Variants in CNTN6 observed in about 807,000 individuals in gnomAD.
CNTN6 encodes contactin 6.
In CNTN6, 137 loss-of-function variants were observed where a neutral mutation model predicts 122.8. That is an observed-to-expected ratio of 1.12 (90% CI 0.97 to 1.29). The LOEUF (loss-of-function observed/expected upper bound fraction) is 1.29. Among genes scored for constraint, CNTN6 ranks in the 50% most tolerant of loss-of-function variants. The pLI is 0.00. For missense variants in CNTN6, 1,634 were observed against 1,223.4 expected, an observed-to-expected ratio of 1.34 and a Z score of -5.01; for synonymous variants, 570 against 426.0, an observed-to-expected ratio of 1.34 and a Z score of -4.16.
intron 20 of CNTN6, among the ~76,000 whole-genome samples, chr3:1,389,925 C>G (rs1282010325): frequency 1.3e-5 from 2 of 150,850 alleles, no homozygotes; most frequent in Non-Finnish European, 3.0e-5. Flanking sequence ...CCTGAGTGAC[C>G]TACAAAGAGA....
intron 22 of CNTN6, 143 bp downstream of exon 22, chr3:1,402,629 AT>A (rs1481196941): frequency 7.9e-6 from 5 of 630,576 alleles, no homozygotes; most frequent in South Asian, 6.0e-5. Flanking sequence ...GTGATGAGCC[AT>A]TTTTTTAAGT....
intron 2 of CNTN6, among the ~76,000 whole-genome samples, chr3:1,188,334 C>T (rs1373370063): frequency 6.6e-6 from 1 of 152,154 alleles, no homozygotes; most frequent in Non-Finnish European, 1.5e-5. Context: ...CCCTGTCCCC[C>T]AAAAGGAGAT....
At position 1,382,982 on chromosome 3, in the gene CNTN6, A is replaced by C. The variant is rs1376744483; in HGVS notation, c.2207A>C (p.Tyr736Ser). 2.9e-5 allele frequency: 46 copies of C among 1,613,968 alleles called. No homozygotes were observed. The highest frequency in any genetic ancestry group is 3.9e-5 in the Non-Finnish European group (46 of 1,179,954). ...CTGCAGAATGGGGAGGGATTTGGAT[A>C]TATCATCATGTTCCGGCCAGTGGGC... Reference protein sequence around the residue: ...EELQNGEGFGYIIMFRPVGST... With the variant: ...EELQNGEGFGSIIMFRPVGST... Residue 736 changes from tyrosine to serine, a missense_variant, in exon 18 of 23, where the codon TAT (tyrosine) becomes TCT (serine). Physicochemically the swap from Tyr to Ser is moderately radical, Grantham distance 144. Coordinates refer to ENST00000446702, the MANE Select transcript of CNTN6 (RefSeq NM_001289080.2).
At chr3:1,252,945 A>G (rs2094694187) in intron 4 of CNTN6, among the ~76,000 whole-genome samples, 1 of 152,210 alleles carries the variant, frequency 6.6e-6, no homozygotes, top group South Asian at 2.1e-4. Context: ...CCCTATTGAA[A>G]GAAGGTATAG....
chr3:1,252,065 TC>T (rs2094680672), intron 4 of CNTN6, among the ~76,000 whole-genome samples: 1 of 152,198 alleles, frequency 6.6e-6, no homozygotes, highest in South Asian at 2.1e-4. Context: ...CTTTTTCCAA[TC>T]CCATCTATCA....
chr3:1,234,791 A>T (rs1183748389), intron 4 of CNTN6, among the ~76,000 whole-genome samples: 1 of 152,172 alleles, frequency 6.6e-6, no homozygotes, highest in Non-Finnish European at 1.5e-5. Flanking sequence ...TTTTTTCAGT[A>T]TCATTTGCAA....
At chr3:1,122,875 A>G (rs951478200) in intron 1 of CNTN6, among the ~76,000 whole-genome samples, 1 of 151,800 alleles carries the variant, frequency 6.6e-6, no homozygotes, top group African/African-American at 2.4e-5. Context: ...CCATTTGGCT[A>G]TTTTGAATGT....
At chr3:1,383,583 A>T (rs1692275823) in intron 19 of CNTN6, among the ~76,000 whole-genome samples, 175 bp downstream of exon 19, 1 of 152,184 alleles carries the variant, frequency 6.6e-6, no homozygotes, top group Non-Finnish European at 1.5e-5. Flanking sequence ...TGAGAGGCTT[A>T]GCCTGGGATG....
intron 4 of CNTN6, among the ~76,000 whole-genome samples, chr3:1,267,008 C>T (rs532160137): frequency 1.5e-4 from 22 of 148,782 alleles, no homozygotes; most frequent in African/African-American, 5.2e-4. Flanking sequence ...CTGCGACCCC[C>T]AGGTTCAAGC....
At chr3:1,179,548 G>T (rs2093516167) in intron 2 of CNTN6, among the ~76,000 whole-genome samples, 1 of 152,124 alleles carries the variant, frequency 6.6e-6, no homozygotes, top group African/African-American at 2.4e-5. Flanking sequence ...TCTGGGAAGG[G>T]AGTAGAGTTT....
chr3:1,286,734 C>T (rs1694409841), intron 5 of CNTN6, among the ~76,000 whole-genome samples: 1 of 152,022 alleles, frequency 6.6e-6, no homozygotes, highest in African/African-American at 2.4e-5. Context: ...CACAGACTGG[C>T]AAATTGGATA....
intron 11 of CNTN6, among the ~76,000 whole-genome samples, chr3:1,331,411 T>C (rs1702271196): frequency 6.6e-6 from 1 of 151,838 alleles, no homozygotes; most frequent in Non-Finnish European, 1.5e-5. Flanking sequence ...CTTGGGGAAA[T>C]CCCTCAAGAC....
At chr3:1,103,142 G>C (rs1300162283) in intron 1 of CNTN6, among the ~76,000 whole-genome samples, 1 of 152,044 alleles carries the variant, frequency 6.6e-6, no homozygotes, top group Non-Finnish European at 1.5e-5. Context: ...AGTCCTTAAA[G>C]TTGTGCTGAG....
intron 1 of CNTN6, among the ~76,000 whole-genome samples, chr3:1,107,291 T>C (rs2091272604): frequency 6.6e-6 from 1 of 152,102 alleles, no homozygotes; most frequent in Non-Finnish European, 1.5e-5. Flanking sequence ...ATATGTCATA[T>C]GGTTTAAAAT....
At chr3:1,320,419 A>T (rs1344678340) in intron 7 of CNTN6, among the ~76,000 whole-genome samples, 1 of 151,706 alleles carries the variant, frequency 6.6e-6, no homozygotes, top group Non-Finnish European at 1.5e-5. Flanking sequence ...CTACTGAGAC[A>T]TCCCAACTTT....
intron 4 of CNTN6, among the ~76,000 whole-genome samples, chr3:1,254,515 A>G (rs2094721600): frequency 6.6e-6 from 1 of 152,126 alleles, no homozygotes; most frequent in South Asian, 2.1e-4. Flanking sequence ...ATATCCATCA[A>G]TTTCACTTAT....
chr3:1,356,886 C>T (rs889229882), intron 12 of CNTN6, among the ~76,000 whole-genome samples: 2 of 151,748 alleles, frequency 1.3e-5, no homozygotes, highest in South Asian at 2.1e-4. Flanking sequence ...AGTGATGCTG[C>T]GTGAATTATT....
At chr3:1,110,739 G>A (rs374253341) in intron 1 of CNTN6, among the ~76,000 whole-genome samples, 3 of 152,062 alleles carry the variant, frequency 2.0e-5, no homozygotes, top group African/African-American at 7.2e-5. Context: ...TTGTGATTGA[G>A]ATGAAGCTAG....
At position 1,327,499 on chromosome 3, in the gene CNTN6, C is replaced by A. The variant is rs771715819; in HGVS notation, c.1126C>A (p.Leu376Met). Reference sequence around the variant, plus strand: ...AAATGGGACACTCATCATAACGATGCTGAATGTGTCAGATTCTGGTGTGTA... The same window carrying A: ...AAATGGGACACTCATCATAACGATGATGAATGTGTCAGATTCTGGTGTGTA... The part of the protein sequence containing the change: ...IENGTLIITM[L>M]NVSDSGVYQC... Residue 376 changes from leucine to methionine, a missense_variant, in exon 10 of 23, where the codon CTG (leucine) becomes ATG (methionine). Transcript: ENST00000446702. The A allele has an allele frequency of 6.2e-7, 1 of 1,610,560 alleles. No homozygotes were observed. Among genetic ancestry groups the A allele is most frequent in the Admixed American group, 1.7e-5 (1 of 59,724 alleles).
Sources: allele counts gnomAD v4.1 joint callset (sites outside exome capture counted in the v4.1 genomes callset), GRCh38; gene constraint gnomAD v4.1.1; transcripts MANE v1.5; gene names NCBI Gene and HGNC (gene_info 2026-07-23, HGNC 2026-07-21).